Variants in VWA8 observed in about 807,000 individuals in gnomAD.
The protein encoded by VWA8 is von Willebrand factor A domain containing 8, also known as von Willebrand factor A domain-containing protein 8.
A neutral mutation model predicts 241.5 loss-of-function variants in VWA8; 221 were observed. The observed-to-expected ratio is 0.91, with a 90% CI of 0.82 to 1.02. The LOEUF (loss-of-function observed/expected upper bound fraction) is 1.02, where lower values mean the gene tolerates loss of function less well. Among genes scored for constraint, VWA8 ranks in the 50% least tolerant of loss-of-function variants. VWA8 has a pLI of 0.00. For missense variants in VWA8, 2,322 were observed against 2,328.7 expected, an observed-to-expected ratio of 1.00 and a Z score of 0.06; for synonymous variants, 852 against 827.1, an observed-to-expected ratio of 1.03 and a Z score of -0.52.
intron 2 of VWA8, among the ~76,000 whole-genome samples, chr13:41,947,064 C>A (rs1877882697): frequency 6.6e-6 from 1 of 152,166 alleles, no homozygotes; most frequent in Non-Finnish European, 1.5e-5. Flanking sequence ...GACATTTCCT[C>A]TTAACAATTT....
rs541880491 is a variant in VWA8 at position 41,959,504 on chromosome 13, A to C, written c.163+1349T>G. On this transcript the variant is annotated intron_variant, in intron 1 of 44. Transcript: ENST00000379310. ...TAATTGAGAAAAAGCAAAAAAAAAA[A>C]AAAAAACAAAAAGTAAAATTTGAAA... Among the ~76,000 whole-genome samples the C allele has an allele frequency of 4.2e-4, 64 of 151,042 alleles. 1 individual carries two copies. The South Asian group carries it at 0.011, about 27-fold the overall frequency.
chr13:41,579,290 C>T (rs1371885502), intron 42 of VWA8, among the ~76,000 whole-genome samples: 1 of 152,144 alleles, frequency 6.6e-6, no homozygotes, highest in Non-Finnish European at 1.5e-5. Flanking sequence ...CTACGGGCTA[C>T]ACAGGATCAG....
chr13:41,878,343 G>GA (rs1446981630), intron 9 of VWA8, among the ~76,000 whole-genome samples: 1 of 151,376 alleles, frequency 6.6e-6, no homozygotes, highest in African/African-American at 2.4e-5. Context: ...GGTAAATGTA[G>GA]AAACTTACAA....
At chr13:41,861,501 C>A (rs2138043310) in intron 12 of VWA8, among the ~76,000 whole-genome samples, 1 of 152,214 alleles carries the variant, frequency 6.6e-6, no homozygotes, top group East Asian at 1.9e-4. Flanking sequence ...AAGGGGAAGT[C>A]AAGCTATCTT....
At chr13:41,653,937 A>C (rs1443226479) in intron 37 of VWA8, among the ~76,000 whole-genome samples, 1 of 152,196 alleles carries the variant, frequency 6.6e-6, no homozygotes, top group Admixed American at 6.5e-5. Flanking sequence ...TAAATCTAAG[A>C]CCTAAAACTA....
intron 37 of VWA8, among the ~76,000 whole-genome samples, chr13:41,638,482 A>C (rs1023315907): frequency 5.9e-5 from 9 of 152,186 alleles, no homozygotes; most frequent in African/African-American, 2.2e-4. Flanking sequence ...GAGAAGAAGC[A>C]GACAAGAGGG....
At chr13:41,661,775 T>C (rs1393742443) in intron 37 of VWA8, among the ~76,000 whole-genome samples, 1 of 152,190 alleles carries the variant, frequency 6.6e-6, no homozygotes, top group Non-Finnish European at 1.5e-5. Context: ...TACTATTGTA[T>C]CCTATTATTA....
intron 37 of VWA8, among the ~76,000 whole-genome samples, chr13:41,618,788 G>A (rs1427350986): frequency 5.3e-5 from 8 of 152,120 alleles, no homozygotes; most frequent in Admixed American, 4.6e-4. Context: ...GGTTGTAGAT[G>A]TGTGGTGTTA....
At chr13:41,909,556 T>C (rs138176037) in intron 3 of VWA8, among the ~76,000 whole-genome samples, 1 of 152,352 alleles carries the variant, frequency 6.6e-6, no homozygotes, top group East Asian at 1.9e-4. Flanking sequence ...GTCTGCTTCA[T>C]TGACTGGCTG....
chr13:41,753,506 T>C (rs1351446176), intron 21 of VWA8, among the ~76,000 whole-genome samples: 2 of 152,142 alleles, frequency 1.3e-5, no homozygotes, highest in South Asian at 2.1e-4. Context: ...ATGGGAGCCA[T>C]ATATTCTCTT....
chr13:41,624,849 A>C (rs1453015187), intron 37 of VWA8, among the ~76,000 whole-genome samples: 1 of 152,058 alleles, frequency 6.6e-6, no homozygotes, highest in Non-Finnish European at 1.5e-5. Context: ...AAGAAGTAAA[A>C]GGCATCCAAA....
intron 44 of VWA8, among the ~76,000 whole-genome samples, chr13:41,568,727 C>T (rs116509812): frequency 0.014 from 2,186 of 152,288 alleles, 52 homozygotes; most frequent in African/African-American, 0.05. Context: ...AGAAAACAGG[C>T]CTCTAAAAAC....
At chr13:41,940,530 C>A (rs887608746) in intron 2 of VWA8, among the ~76,000 whole-genome samples, 2 of 151,952 alleles carry the variant, frequency 1.3e-5, no homozygotes, top group African/African-American at 4.8e-5. Flanking sequence ...ATAATTCACT[C>A]ATTTTGGAAA....
chr13:41,853,008 T>A (rs1303065594), intron 12 of VWA8, among the ~76,000 whole-genome samples: 1 of 152,198 alleles, frequency 6.6e-6, no homozygotes, highest in East Asian at 1.9e-4. Flanking sequence ...TGGTAGAGAT[T>A]GATTGCATTG....
At chr13:41,885,198 C>T (rs1874463488) in intron 8 of VWA8, among the ~76,000 whole-genome samples, 1 of 152,214 alleles carries the variant, frequency 6.6e-6, no homozygotes. Context: ...CTGACTTCTC[C>T]CTCTACCACA....
chr13:41,612,143 A>G (rs1188319395), intron 38 of VWA8, among the ~76,000 whole-genome samples: 2 of 152,238 alleles, frequency 1.3e-5, no homozygotes, highest in Non-Finnish European at 2.9e-5. Context: ...TTTGCTAATT[A>G]AATGAACAAC....
chr13:41,573,343 G>C (rs9562324), intron 43 of VWA8, among the ~76,000 whole-genome samples: 1 of 150,470 alleles, frequency 6.6e-6, no homozygotes, highest in East Asian at 2.0e-4. Flanking sequence ...GCTTGAACCC[G>C]GGAGGAGGAG....
chr13:41,583,572 G>A (rs2044397504), intron 42 of VWA8, among the ~76,000 whole-genome samples: 1 of 151,264 alleles, frequency 6.6e-6, no homozygotes, highest in Non-Finnish European at 1.5e-5. Context: ...GAACCTGGGA[G>A]GCGGAGGCTG....
At chr13:41,640,729 A>C (rs1376651570) in intron 37 of VWA8, among the ~76,000 whole-genome samples, 3 of 152,224 alleles carry the variant, frequency 2.0e-5, no homozygotes, top group Non-Finnish European at 4.4e-5. Context: ...TTCAAAACAG[A>C]ACATACAATA....
Sources: allele counts gnomAD v4.1 joint callset (sites outside exome capture counted in the v4.1 genomes callset), GRCh38; gene constraint gnomAD v4.1.1; transcripts MANE v1.5; gene names NCBI Gene and HGNC (gene_info 2026-07-23, HGNC 2026-07-21).